The following TREH variants were observed in gnomAD, a reference collection of about 807,000 sequenced individuals.
TREH encodes trehalase.
A neutral mutation model predicts 80.5 loss-of-function variants in TREH; 69 were observed. The observed-to-expected ratio is 0.86, with a 90% confidence interval of 0.71 to 1.05. The LOEUF is 1.05. Among genes scored for constraint, TREH ranks in the 50% least tolerant of loss-of-function variants. The pLI is 0.00. For missense variants in TREH, 716 were observed against 718.8 expected (o/e 1.00, Z 0.04); for synonymous variants, 309 against 293.5 (o/e 1.05, Z -0.54).
At chr11:118,676,892 A>G (rs1431623537) in intron 1 of TREH, among the ~76,000 whole-genome samples, 1 of 152,248 alleles carries the variant, frequency 6.6e-6, no homozygotes, top group Non-Finnish European at 1.5e-5. Context: ...GGAGGAACCC[A>G]AGACAAAAAT....
At chr11:118,665,315 G>A (rs1412935972) in intron 1 of TREH, among the ~76,000 whole-genome samples, 1 of 151,994 alleles carries the variant, frequency 6.6e-6, no homozygotes, top group Non-Finnish European at 1.5e-5. Context: ...TGCAAATGTG[G>A]GTGTCAGAAG....
Position 118,658,370 on chromosome 11 carries a change from C to T in TREH, c.1671G>A (p.Gly557=), listed in dbSNP as rs61739736. The T allele has an allele frequency of 2.4e-3, 3,880 of 1,607,578 alleles. 56 individuals are homozygous for T. In the East Asian group the frequency reaches 0.037, roughly 15 times the overall value. Residue 557 remains glycine (G), a synonymous_variant, in exon 15 of 15, where the codon GGG becomes GGA. Coordinates refer to ENST00000264029, the MANE Select transcript of TREH (RefSeq NM_007180.3). ...GGGGCTCCAGGAAAGCCAGCTTGGC[C>T]CCTGAGGTCAGCCGGTCACCATAGC... ...LDRYGDRLTS[G]AKLAFLEPHC...
intron 10 of TREH, 133 bp from the exon 11 acceptor site, chr11:118,660,097 A>C: frequency 1.2e-6 from 1 of 860,904 alleles, no homozygotes; most frequent in South Asian, 1.7e-5. Context: ...GACCAAGGGG[A>C]TGTGCCGATC....
At chr11:118,666,689 G>A (rs1039862538) in intron 1 of TREH, among the ~76,000 whole-genome samples, 3 of 152,090 alleles carry the variant, frequency 2.0e-5, no homozygotes, top group Admixed American at 1.3e-4. Flanking sequence ...ACAACTCATG[G>A]CAGACTAATC....
At chr11:118,666,860 A>C (rs963524527) in intron 1 of TREH, among the ~76,000 whole-genome samples, 4 of 152,050 alleles carry the variant, frequency 2.6e-5, no homozygotes, top group Non-Finnish European at 5.9e-5. Flanking sequence ...ACAGAATAGA[A>C]AAAAGTTTTA....
rs377041843 is a variant in TREH at position 118,659,825 on chromosome 11, G to A, written c.1242C>T (p.Tyr414=). ...CCCAGAGTGGAGTGAGGTTGGATGGGTAAAACTCCCGGTTTTTCTTCTTCT... is the reference window on the plus strand; with the variant it reads ...CCCAGAGTGGAGTGAGGTTGGATGGATAAAACTCCCGGTTTTTCTTCTTCT... ...LEKKKKNREF[Y]PSNLTPLWAG... Residue 414 remains tyrosine (Y), a synonymous_variant, in exon 11 of 15, where the codon TAC becomes TAT. Coordinates refer to ENST00000264029, the MANE Select transcript of TREH (RefSeq NM_007180.3). The A allele has an allele frequency of 5.1e-6, 8 of 1,572,804 alleles. No homozygotes were observed. Among genetic ancestry groups the A allele is most frequent in the Non-Finnish European group, 5.2e-6 (6 of 1,158,366 alleles).
chr11:118,669,972 A>AAT (rs1386346428), intron 1 of TREH, among the ~76,000 whole-genome samples: 5 of 152,132 alleles, frequency 3.3e-5, no homozygotes, highest in Non-Finnish European at 5.9e-5. Flanking sequence ...GTAATTCATA[A>AAT]ATATATATAC....
Position 118,659,495 on chromosome 11 carries a change from G to C in TREH, c.1321-14C>G, listed in dbSNP as rs782105811. On this transcript the variant is annotated splice_polypyrimidine_tract_variant and intron_variant, in intron 11 of 14. Coordinates refer to ENST00000264029, the MANE Select transcript of TREH (RefSeq NM_007180.3). ...GATCCGGTTGTCCTAGAAGGTCCCA[G>C]ACATTCCCATGACTGTGGGTGGGGC... The C allele has an allele frequency of 1.3e-6, 2 of 1,558,962 alleles. No individual in the cohort carries two copies. The highest frequency in any genetic ancestry group is 1.7e-6 in the Non-Finnish European group (2 of 1,150,840).
At chr11:118,660,514 T>C (rs1555144655) in intron 10 of TREH, 25 bp downstream of exon 10, 2 of 1,563,666 alleles carry the variant, frequency 1.3e-6, no homozygotes, top group South Asian at 1.2e-5. Flanking sequence ...GCTCCCTGCT[T>C]TCCCTTCCCT....
intron 1 of TREH, among the ~76,000 whole-genome samples, chr11:118,669,935 T>C (rs1288067237): frequency 1.3e-5 from 2 of 152,066 alleles, no homozygotes; most frequent in African/African-American, 4.8e-5. Flanking sequence ...TTATTACCCA[T>C]TGCATGCCTG....
At chr11:118,665,634 C>G (rs536294404) in intron 1 of TREH, among the ~76,000 whole-genome samples, 10 of 151,944 alleles carry the variant, frequency 6.6e-5, no homozygotes, top group African/African-American at 2.4e-4. Context: ...AGCGAGACTC[C>G]GTCTCAAAAA....
In TREH at chr11:118,658,554, A is replaced by C. The variant is rs557922859; in HGVS notation, c.1600-113T>G. The C allele has an allele frequency of 4.1e-3, 6,291 of 1,519,532 alleles. 17 individuals carry two copies. Among genetic ancestry groups the C allele is most frequent in the Non-Finnish European group, 4.4e-3 (4,995 of 1,128,416 alleles). The allele number at this position is 1,519,532 out of a possible 1,614,324, so 94.1% of individuals were successfully genotyped here. On this transcript the variant is annotated intron_variant, in intron 14 of 14. Transcript: ENST00000264029. ...CCCTGCCTAACCCCAGCGGTACAGG[A>C]AGCACCAGTCAGCTCCTCCCCCGGG...
rs782682639 is a variant in TREH at position 118,657,329 on chromosome 11, C to T, written c.*960G>A. 2 of 154,636 alleles carry T rather than the reference C, an allele frequency of 1.3e-5. No homozygotes were observed. Among genetic ancestry groups the T allele is most frequent in the Admixed American group, 1.3e-4 (2 of 15,794 alleles). 9.6% of individuals were successfully genotyped at this position (154,636 alleles called of 1,614,324 possible). ...AGATCTCAAGTGTCAACCTTGAGGT[C>T]CCAGCTCCATCCCCTAGTTGCAGAC... On this transcript the variant is annotated 3_prime_UTR_variant, in exon 15 of 15. Coordinates refer to ENST00000264029, the MANE Select transcript of TREH (RefSeq NM_007180.3).
intron 1 of TREH, 90 bp downstream of exon 1, chr11:118,679,449 C>T (rs1349828083): frequency 6.0e-6 from 8 of 1,333,546 alleles, no homozygotes; most frequent in Non-Finnish European, 7.9e-6. Flanking sequence ...CTCTTCCTTT[C>T]CCTCTGAAGT....
chr11:118,660,954 C>CT, intron 8 of TREH, 39 bp from the exon 9 acceptor site: 2 of 1,559,188 alleles, frequency 1.3e-6, no homozygotes, highest in South Asian at 2.4e-5. Flanking sequence ...GCACTAGTAG[C>CT]TACTAAGCCC....
At chr11:118,665,296 G>A (rs971236028) in intron 1 of TREH, among the ~76,000 whole-genome samples, 3 of 151,978 alleles carry the variant, frequency 2.0e-5, no homozygotes, top group Admixed American at 1.3e-4. Flanking sequence ...GTGGCCCCAC[G>A]ACTAGGACTG....
chr11:118,660,554 A>G lies in TREH; in HGVS notation c.1087T>C (p.Phe363Leu), dbSNP rs1949308158. The change falls in exon 10 of 15, where the codon TTC (phenylalanine) becomes CTC (leucine). Residue 363 changes from phenylalanine to leucine, a missense_variant. Phe to Leu is a conservative substitution (Grantham distance 22). Coordinates refer to ENST00000264029, the MANE Select transcript of TREH (RefSeq NM_007180.3). ...GGGTGCTCACCCAGCCTGGAATAGA[A>G]GTTGCTCATCAGCTCCTCTGCTTGG... is the stretch of plus-strand genomic sequence containing the variant. Reference protein sequence around the residue: ...LCQAEELMSNFYSRLGNDSQA... With the variant: ...LCQAEELMSNLYSRLGNDSQA... The G allele has an allele frequency of 1.9e-6, 3 of 1,606,082 alleles. No homozygotes were observed. Among genetic ancestry groups the G allele is most frequent in the Admixed American group, 3.4e-5 (2 of 59,298 alleles).
In TREH at chr11:118,660,850, C is replaced by T; in HGVS notation, c.907+16G>A. ...CTGCCCTGCCCCCAGCCCTCCCTCA[C>T]CCTCCTGCTGCTCACCTTCTGGCAA... is the stretch of plus-strand genomic sequence containing the variant. On this transcript the variant is annotated intron_variant, in intron 9 of 14. Coordinates refer to ENST00000264029, the MANE Select transcript of TREH (RefSeq NM_007180.3). 1.9e-6 allele frequency: 3 copies of T among 1,562,702 alleles called. No individual in the cohort carries two copies. Among genetic ancestry groups the T allele is most frequent in the Non-Finnish European group, 2.6e-6 (3 of 1,152,930 alleles).
chr11:118,679,009 G>A (rs1320714214), intron 1 of TREH, among the ~76,000 whole-genome samples: 1 of 152,246 alleles, frequency 6.6e-6, no homozygotes, highest in Non-Finnish European at 1.5e-5. Context: ...AGGAGGAGAG[G>A]AAGGGAGGGC....
Sources: gnomAD v4.1 joint callset for allele counts (sites outside exome capture counted in the v4.1 genomes callset) on GRCh38, gnomAD v4.1.1 for gene constraint, MANE v1.5 for transcripts, NCBI Gene and HGNC (gene_info 2026-07-23, HGNC 2026-07-21) for gene names.